PRKG1: variants seen among roughly 807,000 people sequenced by gnomAD.
PRKG1 encodes protein kinase cGMP-dependent 1.
PRKG1 carries 35 observed loss-of-function variants against 88.1 expected under a neutral mutation model. That is an observed-to-expected ratio of 0.40 (90% CI 0.30 to 0.53). The LOEUF (loss-of-function observed/expected upper bound fraction) is 0.53. PRKG1 is among the 20% of genes least tolerant of loss of function. PRKG1 has a pLI of 0.59. For missense variants in PRKG1, 540 were observed against 839.8 expected (o/e 0.64, Z 4.41); for synonymous variants, 303 against 292.5 (o/e 1.04, Z -0.37).
At chr10:51,776,531 T>A (rs532598762) in intron 3 of PRKG1, among the ~76,000 whole-genome samples, 2 of 152,118 alleles carry the variant, frequency 1.3e-5, no homozygotes, top group East Asian at 1.9e-4. Context: ...AATAACTTTC[T>A]ACTAAAATAT....
chr10:52,164,775 A>C (rs1838384742), intron 9 of PRKG1, among the ~76,000 whole-genome samples: 1 of 152,158 alleles, frequency 6.6e-6, no homozygotes, highest in Admixed American at 6.5e-5. Flanking sequence ...TGTAACTGAG[A>C]AATAAGAATT....
At chr10:51,531,216 C>T (rs1202530390) in intron 3 of PRKG1, among the ~76,000 whole-genome samples, 2 of 152,138 alleles carry the variant, frequency 1.3e-5, no homozygotes, top group African/African-American at 4.8e-5. Context: ...TTTACTCCTT[C>T]CTTTTTGTTT....
At chr10:51,773,592 A>C (rs1162613503) in intron 3 of PRKG1, among the ~76,000 whole-genome samples, 1 of 152,138 alleles carries the variant, frequency 6.6e-6, no homozygotes, top group African/African-American at 2.4e-5. Context: ...GCTTTTTAAA[A>C]AATATGATTT....
chr10:51,551,071 G>A (rs2339790), intron 3 of PRKG1, among the ~76,000 whole-genome samples: 102,940 of 151,622 alleles, frequency 0.68, 37,365 homozygotes, highest in East Asian at 0.98. Flanking sequence ...CTTATAACTT[G>A]AATTTCATAA....
chr10:51,160,072 A>G (rs1173492953), intron 2 of PRKG1, among the ~76,000 whole-genome samples: 1 of 152,144 alleles, frequency 6.6e-6, no homozygotes, highest in Admixed American at 6.5e-5. Flanking sequence ...ACCATAACAT[A>G]TCTCTTGTAT....
intron 1 of PRKG1, among the ~76,000 whole-genome samples, chr10:51,007,017 C>T (rs1842948443): frequency 6.7e-6 from 1 of 148,330 alleles, no homozygotes; most frequent in Non-Finnish European, 1.5e-5. Flanking sequence ...CAGCTCACTG[C>T]AACTTCTGCC....
chr10:52,062,706 G>A, intron 7 of PRKG1, 75 bp downstream of exon 7: 2 of 1,051,906 alleles, frequency 1.9e-6, no homozygotes, highest in Non-Finnish European at 2.9e-6. Context: ...TGAGCTCCTA[G>A]CACAATAGGC....
chr10:51,000,954 A>T (rs1475176760), intron 1 of PRKG1, among the ~76,000 whole-genome samples: 1 of 152,214 alleles, frequency 6.6e-6, no homozygotes, highest in Non-Finnish European at 1.5e-5. Context: ...GACTCCTTGC[A>T]TGCTGTTTGT....
intron 9 of PRKG1, among the ~76,000 whole-genome samples, chr10:52,248,835 A>G (rs572943985): frequency 6.6e-6 from 1 of 152,110 alleles, no homozygotes; most frequent in East Asian, 1.9e-4. Flanking sequence ...CTGCCTTATA[A>G]CTTTTGCGCC....
intron 12 of PRKG1, among the ~76,000 whole-genome samples, chr10:52,280,523 A>T (rs1356834166): frequency 2.0e-5 from 3 of 152,116 alleles, no homozygotes; most frequent in Admixed American, 2.0e-4. Flanking sequence ...AAGTACATGA[A>T]ATGTGTTGTG....
Position 52,141,455 on chromosome 10 carries a change from G to T in PRKG1, c.1001+7550G>T, listed in dbSNP as rs188123900. On this transcript the variant is annotated intron_variant, in intron 8 of 17. Transcript: ENST00000373980. ...AATGATATACAGCATGACTGACTGG[G>T]ATGCCCAGACTGTTGGTTCATCCAC... is the stretch of plus-strand genomic sequence containing the variant. Among the ~76,000 whole-genome samples the T allele has an allele frequency of 8.5e-3, 1,288 of 152,150 alleles. 13 individuals are homozygous for T. Among genetic ancestry groups the T allele is most frequent in the African/African-American group, 0.029 (1,202 of 41,516 alleles).
chr10:52,007,976 C>T (rs1392973936), intron 5 of PRKG1, among the ~76,000 whole-genome samples: 3 of 151,958 alleles, frequency 2.0e-5, no homozygotes, highest in Non-Finnish European at 4.4e-5. Context: ...CAAGAAAATC[C>T]CTCAAAATAA....
intron 2 of PRKG1, among the ~76,000 whole-genome samples, chr10:51,226,090 G>A (rs982082407): frequency 2.6e-5 from 4 of 152,060 alleles, no homozygotes; most frequent in Non-Finnish European, 5.9e-5. Context: ...TGTAGTCCCA[G>A]CTACTCAGAA....
intron 10 of PRKG1, among the ~76,000 whole-genome samples, chr10:52,259,924 A>G (rs1174837091): frequency 6.6e-6 from 1 of 152,092 alleles, no homozygotes; most frequent in Non-Finnish European, 1.5e-5. Flanking sequence ...AAAATCTGAA[A>G]CACAAGATAA....
At chr10:52,267,017 A>G (rs1841588989) in intron 10 of PRKG1, among the ~76,000 whole-genome samples, 1 of 149,646 alleles carries the variant, frequency 6.7e-6, no homozygotes, top group South Asian at 2.1e-4. Flanking sequence ...AAGTAATTTC[A>G]TAGCTCTAAC....
intron 1 of PRKG1, among the ~76,000 whole-genome samples, chr10:51,128,608 T>C (rs542373966): frequency 6.6e-6 from 1 of 152,318 alleles, no homozygotes; most frequent in Admixed American, 6.5e-5. Context: ...TAGTATCTAT[T>C]TACACTTAGA....
At chr10:52,088,792 T>C (rs983171883) in intron 7 of PRKG1, among the ~76,000 whole-genome samples, 1 of 152,180 alleles carries the variant, frequency 6.6e-6, no homozygotes, top group African/African-American at 2.4e-5. Context: ...TTCTATGTTA[T>C]TAATATTACA....
chr10:51,841,064 G>A (rs1840263334), intron 4 of PRKG1, among the ~76,000 whole-genome samples: 1 of 152,136 alleles, frequency 6.6e-6, no homozygotes, highest in South Asian at 2.1e-4. Flanking sequence ...TAGCCATTTT[G>A]TACCTACTTA....
intron 3 of PRKG1, among the ~76,000 whole-genome samples, chr10:51,541,578 A>G (rs1225738721): frequency 6.6e-6 from 1 of 152,230 alleles, no homozygotes; most frequent in Non-Finnish European, 1.5e-5. Context: ...AATAAAGAAA[A>G]TGGGTAATGG....
Sources: allele counts gnomAD v4.1 joint callset (sites outside exome capture counted in the v4.1 genomes callset), GRCh38; gene constraint gnomAD v4.1.1; transcripts MANE v1.5; gene names NCBI Gene and HGNC (gene_info 2026-07-23, HGNC 2026-07-21).